The following GLRA3 variants were observed in gnomAD, a reference collection of about 807,000 sequenced individuals.
GLRA3 encodes glycine receptor alpha 3.
In GLRA3, 44 loss-of-function variants were observed where a neutral mutation model predicts 60.4. That is an observed-to-expected ratio of 0.73 (90% confidence interval 0.57 to 0.94). The LOEUF is 0.94. GLRA3 is among the 40% of genes least tolerant of loss of function. The pLI, the probability that GLRA3 is intolerant of heterozygous loss-of-function variation, is 0.00. For synonymous variants in GLRA3, 223 were observed against 192.9 expected, an observed-to-expected ratio of 1.16 and a Z score of -1.29; for missense variants, 508 against 564.6, an observed-to-expected ratio of 0.90 and a Z score of 1.02.
rs79100305 is a variant in GLRA3 at position 174,697,665 on chromosome 4, C to T, written c.575-14726G>A. ...ACCATTATCTTATGAGACATTTTAA[C>T]GTATATCACAGACTTAAAGTTTCCC... is the stretch of plus-strand genomic sequence containing the variant. On this transcript the variant is annotated intron_variant, in intron 5 of 9. Coordinates refer to ENST00000274093, the MANE Select transcript of GLRA3 (RefSeq NM_006529.4). Among the ~76,000 whole-genome samples the T allele has an allele frequency of 7.3e-3, 1,104 of 152,208 alleles. 13 individuals carry two copies. The highest frequency in any genetic ancestry group is 0.025 in the African/African-American group (1,052 of 41,530).
chr4:174,752,592 T>C (rs563676681), intron 3 of GLRA3, among the ~76,000 whole-genome samples: 9 of 152,244 alleles, frequency 5.9e-5, no homozygotes, highest in African/African-American at 2.2e-4. Context: ...TTCCGAAAGT[T>C]TGACGATAGA....
intron 3 of GLRA3, among the ~76,000 whole-genome samples, chr4:174,738,708 T>C (rs747855230): frequency 5.3e-5 from 8 of 152,224 alleles, no homozygotes; most frequent in Non-Finnish European, 1.2e-4. Context: ...TTGCTATTTA[T>C]ACTCGAATAC....
intron 3 of GLRA3, among the ~76,000 whole-genome samples, chr4:174,763,339 C>T (rs779898903): frequency 7.2e-5 from 11 of 152,054 alleles, no homozygotes; most frequent in Admixed American, 1.3e-4. Flanking sequence ...TTTTACCTAC[C>T]ACCATCACTC....
intron 4 of GLRA3, among the ~76,000 whole-genome samples, chr4:174,716,077 G>A (rs1735907736): frequency 6.6e-6 from 1 of 152,128 alleles, no homozygotes; most frequent in Admixed American, 6.5e-5. Context: ...TGGAAAAGCA[G>A]GGTGGAGAGG....
At chr4:174,759,933 A>T (rs950378572) in intron 3 of GLRA3, among the ~76,000 whole-genome samples, 5 of 152,308 alleles carry the variant, frequency 3.3e-5, no homozygotes, top group Middle Eastern at 6.8e-3. Flanking sequence ...AAATATCTTT[A>T]TGCACTTGGG....
rs1168558206 is a variant in GLRA3, at chr4:174,724,128, TA to T, written c.491+4346del. ...ACAAAACATTTTTCTTGAACTGAAA[TA>T]TATCATGTAGGCTTACACTCAGGTC... is the stretch of plus-strand genomic sequence containing the variant. On this transcript the variant is annotated intron_variant, in intron 4 of 9. Transcript: ENST00000274093. 2.6e-5 allele frequency among the ~76,000 whole-genome samples: 4 copies of T among 151,692 alleles called. No individual in the cohort carries two copies. The Middle Eastern group carries it at 0.01, about 392-fold the overall frequency.
At chr4:174,648,912 G>A (rs138648592) in intron 9 of GLRA3, among the ~76,000 whole-genome samples, 2 of 152,224 alleles carry the variant, frequency 1.3e-5, no homozygotes, top group East Asian at 1.9e-4. Context: ...TGCCTGCTGG[G>A]AGGACGGAAA....
At chr4:174,769,658 A>G (rs909360195) in intron 2 of GLRA3, among the ~76,000 whole-genome samples, 1 of 152,038 alleles carries the variant, frequency 6.6e-6, no homozygotes, top group Admixed American at 6.6e-5. Flanking sequence ...AATTACTTCC[A>G]TAGCTTTCTG....
intron 1 of GLRA3, among the ~76,000 whole-genome samples, chr4:174,819,714 T>A (rs996410858): frequency 1.3e-5 from 2 of 152,208 alleles, no homozygotes; most frequent in African/African-American, 4.8e-5. Context: ...GATTAATACA[T>A]AAATGTATGT....
chr4:174,797,153 A>AAAG (rs1739604467), intron 1 of GLRA3, among the ~76,000 whole-genome samples: 1 of 152,202 alleles, frequency 6.6e-6, no homozygotes, highest in Admixed American at 6.5e-5. Context: ...GAGGCAGTGA[A>AAAG]AAGAAACCCA....
rs987170603 is a variant in GLRA3, at chr4:174,691,514, C to T, written c.575-8575G>A. ...GCCTGATTCTCCTGCCTCAGCCTGC[C>T]GAGTGCCTGCGATTGCAGGCGCGCG... On this transcript the variant is annotated intron_variant, in intron 5 of 9. Coordinates refer to ENST00000274093, the MANE Select transcript of GLRA3 (RefSeq NM_006529.4). 6.6e-5 allele frequency among the ~76,000 whole-genome samples: 10 copies of T among 152,298 alleles called. No individual in the cohort carries two copies. In the East Asian group the frequency reaches 9.7e-4, roughly 15 times the overall value.
intron 3 of GLRA3, among the ~76,000 whole-genome samples, chr4:174,757,902 C>A (rs1737781337): frequency 6.6e-6 from 1 of 152,102 alleles, no homozygotes; most frequent in South Asian, 2.1e-4. Context: ...ATGTTTGGGT[C>A]ACGGGGGTGG....
chr4:174,679,175 C>G (rs150244690), intron 6 of GLRA3, among the ~76,000 whole-genome samples: 577 of 151,976 alleles, frequency 3.8e-3, no homozygotes, highest in African/African-American at 0.013. Context: ...ACTAAAAATA[C>G]AAAAAATTAG....
intron 6 of GLRA3, 91 bp from the exon 7 acceptor site, chr4:174,677,383 A>C: frequency 1.4e-6 from 1 of 735,286 alleles, no homozygotes; most frequent in Non-Finnish European, 2.3e-6. Flanking sequence ...TTTTTGAGAC[A>C]GGGTCTCACT....
At chr4:174,791,715 G>A (rs962684086) in intron 1 of GLRA3, among the ~76,000 whole-genome samples, 1 of 152,024 alleles carries the variant, frequency 6.6e-6, no homozygotes, top group Non-Finnish European at 1.5e-5. Context: ...TGCTTCTATT[G>A]ATTGCATTTT....
At chr4:174,812,999 A>T (rs1740331528) in intron 1 of GLRA3, among the ~76,000 whole-genome samples, 1 of 151,994 alleles carries the variant, frequency 6.6e-6, no homozygotes, top group Non-Finnish European at 1.5e-5. Context: ...GCATAACAAA[A>T]CCCCTAGAGA....
At chr4:174,770,534 C>T (rs567460497) in intron 2 of GLRA3, among the ~76,000 whole-genome samples, 6 of 152,084 alleles carry the variant, frequency 3.9e-5, no homozygotes, top group South Asian at 4.1e-4. Flanking sequence ...ATTATAAATT[C>T]GGTGAACACT....
At chr4:174,798,720 G>GTT (rs1561126396) in intron 1 of GLRA3, among the ~76,000 whole-genome samples, 17 of 152,060 alleles carry the variant, frequency 1.1e-4, no homozygotes, top group African/African-American at 3.9e-4. Context: ...GTCAGTAGAC[G>GTT]GAGACCATCC....
chr4:174,729,492 T>A (rs1736471290), intron 3 of GLRA3, among the ~76,000 whole-genome samples: 1 of 152,222 alleles, frequency 6.6e-6, no homozygotes, highest in South Asian at 2.1e-4. Context: ...TCAAGAAGAT[T>A]TGGCTAAAGA....
Sources: gnomAD v4.1 joint callset for allele counts (sites outside exome capture counted in the v4.1 genomes callset) on GRCh38, gnomAD v4.1.1 for gene constraint, MANE v1.5 for transcripts, NCBI Gene and HGNC (gene_info 2026-07-23, HGNC 2026-07-21) for gene names.